Variants in SCFD2 observed in about 807,000 individuals in gnomAD.
The protein encoded by SCFD2 is sec1 family domain-containing protein 2.
SCFD2 carries 54 observed loss-of-function variants against 58.9 expected under a neutral mutation model. The observed-to-expected ratio is 0.92, with a 90% confidence interval of 0.74 to 1.15. SCFD2 has a LOEUF of 1.15. Ranked by LOEUF, SCFD2 falls within the 50% of genes most tolerant of loss-of-function variation. The pLI, the probability that SCFD2 is intolerant of heterozygous loss-of-function variation, is 0.00. For synonymous variants in SCFD2, 321 were observed against 335.9 expected, an observed-to-expected ratio of 0.96 and a Z score of 0.49; for missense variants, 805 against 836.6, an observed-to-expected ratio of 0.96 and a Z score of 0.47.
chr4:53,319,265 T>C (rs1732954671), intron 2 of SCFD2, among the ~76,000 whole-genome samples: 1 of 152,216 alleles, frequency 6.6e-6, no homozygotes, highest in African/African-American at 2.4e-5. Context: ...AGCAATATCA[T>C]ACTATTCCCC....
intron 7 of SCFD2, among the ~76,000 whole-genome samples, 176 bp downstream of exon 7, chr4:52,907,281 C>T (rs891496907): frequency 2.0e-5 from 3 of 152,200 alleles, no homozygotes; most frequent in African/African-American, 7.2e-5. Context: ...CTGTATGACG[C>T]TAACAGGTCA....
chr4:53,044,489 A>ACTTC (rs536906756), intron 5 of SCFD2, among the ~76,000 whole-genome samples: 6,695 of 145,992 alleles, frequency 0.046, 250 homozygotes, highest in African/African-American at 0.099. Flanking sequence ...CTTTACAGGA[A>ACTTC]CTTCCTTCCT....
chr4:53,268,354 A>G (rs1030247094), intron 4 of SCFD2, among the ~76,000 whole-genome samples: 3 of 152,096 alleles, frequency 2.0e-5, no homozygotes, highest in Admixed American at 6.5e-5. Context: ...CCAGGACCCA[A>G]GTGGGGTGAA....
intron 4 of SCFD2, among the ~76,000 whole-genome samples, chr4:53,164,377 C>T (rs1726942042): frequency 6.6e-6 from 1 of 152,152 alleles, no homozygotes; most frequent in African/African-American, 2.4e-5. Context: ...GACATGGTTA[C>T]ATCACACCCA....
At chr4:53,100,517 A>G (rs1173558251) in intron 5 of SCFD2, among the ~76,000 whole-genome samples, 1 of 152,236 alleles carries the variant, frequency 6.6e-6, no homozygotes, top group East Asian at 1.9e-4. Context: ...CACGCTAGAT[A>G]GCAAAATTAC....
chr4:53,312,401 TCA>T (rs1290593774), intron 3 of SCFD2, among the ~76,000 whole-genome samples: 1 of 152,162 alleles, frequency 6.6e-6, no homozygotes, highest in Non-Finnish European at 1.5e-5. Flanking sequence ...TTTTTCTGTT[TCA>T]GTTTCCCTAC....
At chr4:53,277,319 T>G (rs1250763503) in intron 3 of SCFD2, among the ~76,000 whole-genome samples, 1 of 152,218 alleles carries the variant, frequency 6.6e-6, no homozygotes, top group Non-Finnish European at 1.5e-5. Context: ...TAAGAACAAA[T>G]TTTCACACAA....
At chr4:53,136,920 C>G (rs1725959252) in intron 5 of SCFD2, among the ~76,000 whole-genome samples, 1 of 152,162 alleles carries the variant, frequency 6.6e-6, no homozygotes, top group Non-Finnish European at 1.5e-5. Context: ...CAGAATAGAT[C>G]ATTATTTCAG....
intron 4 of SCFD2, among the ~76,000 whole-genome samples, chr4:53,150,838 A>G (rs1269200301): frequency 6.6e-6 from 1 of 152,230 alleles, no homozygotes; most frequent in Admixed American, 6.5e-5. Flanking sequence ...AATCCCCATA[A>G]CAGGATAGTC....
intron 5 of SCFD2, among the ~76,000 whole-genome samples, chr4:53,115,692 C>A (rs971014985): frequency 2.6e-5 from 4 of 152,092 alleles, no homozygotes; most frequent in Non-Finnish European, 5.9e-5. Context: ...TATGGGCTGA[C>A]ATGGTATTTC....
intron 5 of SCFD2, among the ~76,000 whole-genome samples, chr4:52,982,377 T>C (rs1408850298): frequency 6.6e-6 from 1 of 152,218 alleles, no homozygotes. Context: ...GCAGATGTCT[T>C]GAATGTTGGG....
intron 4 of SCFD2, among the ~76,000 whole-genome samples, chr4:53,246,326 C>T (rs1730071310): frequency 6.6e-6 from 1 of 152,130 alleles, no homozygotes; most frequent in Non-Finnish European, 1.5e-5. Flanking sequence ...ACATTCTTTC[C>T]AAAACTAGAA....
chr4:53,365,760 G>T lies in SCFD2; in HGVS notation c.182C>A (p.Pro61His), dbSNP rs1734684224. 2 of 1,613,876 alleles carry T rather than the reference G, an allele frequency of 1.2e-6. No individual in the cohort carries two copies. The highest frequency in any genetic ancestry group is 1.7e-6 in the Non-Finnish European group (2 of 1,179,884). Reference protein sequence around the residue: ...GPDCHLREFEPDAIGGGAKQP... With the variant: ...GPDCHLREFEHDAIGGGAKQP... ...CTTGGCTCCACCACCAATTGCGTCGGGCTCGAACTCTCGCAGGTGACAGTC... is the reference window on the plus strand; with the variant it reads ...CTTGGCTCCACCACCAATTGCGTCGTGCTCGAACTCTCGCAGGTGACAGTC... Residue 61 changes from proline (P) to histidine (H), a missense_variant, in exon 1 of 9, where the codon CCC becomes CAC. Transcript: ENST00000401642. The surrounding 1 kb of genome is among the most constrained non-coding windows in gnomAD (Gnocchi z 4.3).
chr4:53,150,798 C>T (rs565190660), intron 4 of SCFD2, among the ~76,000 whole-genome samples: 1 of 152,316 alleles, frequency 6.6e-6, no homozygotes, highest in Admixed American at 6.5e-5. Context: ...GGGACAATTG[C>T]TTAAACTACT....
chr4:53,121,222 C>G (rs1221198683), intron 5 of SCFD2, among the ~76,000 whole-genome samples: 1 of 152,026 alleles, frequency 6.6e-6, no homozygotes, highest in African/African-American at 2.4e-5. Flanking sequence ...AAAGCAGAGG[C>G]CATAAACTCC....
intron 4 of SCFD2, among the ~76,000 whole-genome samples, chr4:53,154,183 C>T (rs1389538547): frequency 2.0e-5 from 3 of 152,114 alleles, no homozygotes; most frequent in Non-Finnish European, 4.4e-5. Flanking sequence ...GTTTGCATTG[C>T]TATAAAGGAA....
intron 2 of SCFD2, among the ~76,000 whole-genome samples, chr4:53,326,383 T>C (rs1733198898): frequency 6.6e-6 from 1 of 152,174 alleles, no homozygotes; most frequent in Admixed American, 6.5e-5. Flanking sequence ...GCTCAAGTGA[T>C]CCACCTGCCT....
chr4:52,922,610 G>A (rs188991648), intron 5 of SCFD2, among the ~76,000 whole-genome samples: 231 of 152,210 alleles, frequency 1.5e-3, no homozygotes, highest in Non-Finnish European at 1.6e-3. Context: ...TCGACTTATC[G>A]GTTAATGGAC....
At chr4:53,259,100 G>A (rs1285981639) in intron 4 of SCFD2, among the ~76,000 whole-genome samples, 1 of 151,972 alleles carries the variant, frequency 6.6e-6, no homozygotes, top group African/African-American at 2.4e-5. Context: ...TTTGAATTCT[G>A]TGTAGATTCT....
Sources: allele counts gnomAD v4.1 joint callset (sites outside exome capture counted in the v4.1 genomes callset), GRCh38; gene constraint gnomAD v4.1.1; non-coding constraint Gnocchi (gnomAD v3.1); transcripts MANE v1.5; gene names NCBI Gene and HGNC (gene_info 2026-07-23, HGNC 2026-07-21).